PARD3: variants seen among roughly 807,000 people sequenced by gnomAD.
PARD3 encodes the protein par-3 family cell polarity regulator.
PARD3 carries 75 observed loss-of-function variants against 155.4 expected under a neutral mutation model. The ratio of observed to expected loss-of-function variants is 0.48; its 90% CI spans 0.40 to 0.58. PARD3 has a LOEUF of 0.58. Ranked by LOEUF, PARD3 falls within the 20% of genes least tolerant of loss-of-function variation. The pLI is 0.00. For synonymous variants in PARD3, 576 were observed against 610.5 expected, an observed-to-expected ratio of 0.94 and a Z score of 0.83; for missense variants, 1,642 against 1,721.7, an observed-to-expected ratio of 0.95 and a Z score of 0.82.
chr10:34,774,669 T>A (rs1258428590), intron 1 of PARD3, among the ~76,000 whole-genome samples: 1 of 152,086 alleles, frequency 6.6e-6, no homozygotes, highest in Non-Finnish European at 1.5e-5. Flanking sequence ...AAAGCAGCAA[T>A]TGAAAACCAC....
chr10:34,659,736 AT>A (rs1343288503), intron 2 of PARD3, among the ~76,000 whole-genome samples: 3 of 152,160 alleles, frequency 2.0e-5, no homozygotes, highest in Non-Finnish European at 4.4e-5. Context: ...AATACTATTA[AT>A]TTCTAATTCA....
chr10:34,374,037 T>C (rs917272226), intron 11 of PARD3, among the ~76,000 whole-genome samples: 7 of 152,122 alleles, frequency 4.6e-5, no homozygotes, highest in Non-Finnish European at 7.4e-5. Context: ...TCCAAAATGA[T>C]CCAAGTAGAA....
At chr10:34,492,464 A>G (rs987374983) in intron 3 of PARD3, among the ~76,000 whole-genome samples, 1 of 152,202 alleles carries the variant, frequency 6.6e-6, no homozygotes, top group Non-Finnish European at 1.5e-5. Flanking sequence ...ACAGCTTTTG[A>G]TTTTTGGAAA....
Position 34,696,250 on chromosome 10 carries a change from G to A in PARD3, c.222+68C>T, listed in dbSNP as rs192339068. The A allele has an allele frequency of 1.7e-4, 139 of 802,068 alleles. No individual in the cohort carries two copies. In the African/African-American group the frequency reaches 2.0e-3, roughly 11 times the overall value. 49.7% of individuals were successfully genotyped at this position (802,068 alleles called of 1,614,324 possible). A position where few individuals can be genotyped will look rare whatever the true frequency, so the allele number is the denominator to read the frequency against. On this transcript the variant is annotated intron_variant, in intron 2 of 24. Coordinates refer to ENST00000374788, the MANE Select transcript of PARD3 (RefSeq NM_001184785.2). ...GTCTAAAACAGAAAGGAAAAGAATCGCACCCGCTCCCTAGTCCTCAAAAAA... is the reference window on the plus strand; with the variant it reads ...GTCTAAAACAGAAAGGAAAAGAATCACACCCGCTCCCTAGTCCTCAAAAAA...
chr10:34,749,593 A>G (rs1366432952), intron 1 of PARD3, among the ~76,000 whole-genome samples: 1 of 152,164 alleles, frequency 6.6e-6, no homozygotes, highest in Non-Finnish European at 1.5e-5. Flanking sequence ...TATAGAACTT[A>G]TATGATGTAT....
intron 20 of PARD3, chr10:34,312,376 G>T: frequency 6.2e-7 from 1 of 1,612,598 alleles, no homozygotes; most frequent in Non-Finnish European, 8.5e-7. Context: ...GCTTCAGTTT[G>T]GCAAGGCTAA....
intron 15 of PARD3, among the ~76,000 whole-genome samples, chr10:34,342,198 T>TATTC (rs769936666): frequency 1.3e-5 from 2 of 152,258 alleles, no homozygotes; most frequent in East Asian, 1.9e-4. Context: ...TTGCATTGTT[T>TATTC]ATTCATTCAT....
intron 22 of PARD3, among the ~76,000 whole-genome samples, chr10:34,235,708 T>C (rs1009241897): frequency 1.3e-5 from 2 of 152,206 alleles, no homozygotes; most frequent in African/African-American, 2.4e-5. Context: ...ACTTGTGGTC[T>C]TACTGGTCTG....
intron 22 of PARD3, among the ~76,000 whole-genome samples, chr10:34,193,384 T>C (rs1950799003): frequency 6.6e-6 from 1 of 152,202 alleles, no homozygotes. Flanking sequence ...CTATAGTACT[T>C]TCAAAACTAC....
At chr10:34,421,319 A>G (rs1846165886) in intron 5 of PARD3, among the ~76,000 whole-genome samples, 1 of 150,174 alleles carries the variant, frequency 6.7e-6, no homozygotes, top group South Asian at 2.1e-4. Flanking sequence ...TAGTTATTTA[A>G]GTAATAAATT....
intron 3 of PARD3, among the ~76,000 whole-genome samples, chr10:34,483,964 C>G (rs2079268526): frequency 6.6e-6 from 1 of 152,130 alleles, no homozygotes. Context: ...CATACCTGAA[C>G]AAAGCTTACC....
chr10:34,373,294 T>C (rs776079807), intron 11 of PARD3, among the ~76,000 whole-genome samples: 1 of 149,000 alleles, frequency 6.7e-6, no homozygotes, highest in Non-Finnish European at 1.5e-5. Context: ...ATAAATTACA[T>C]AACCAAGAAA....
At chr10:34,195,040 T>C (rs1388858186) in intron 22 of PARD3, among the ~76,000 whole-genome samples, 1 of 152,204 alleles carries the variant, frequency 6.6e-6, no homozygotes, top group Non-Finnish European at 1.5e-5. Context: ...TTTCTCTATG[T>C]AAAATTAATA....
At chr10:34,460,802 C>T (rs773041366) in intron 4 of PARD3, among the ~76,000 whole-genome samples, 4 of 151,778 alleles carry the variant, frequency 2.6e-5, no homozygotes, top group Non-Finnish European at 5.9e-5. Context: ...CACTGCACTC[C>T]GGCCTGGGCG....
intron 19 of PARD3, among the ~76,000 whole-genome samples, chr10:34,320,719 A>G (rs112854676): frequency 0.027 from 4,106 of 152,342 alleles, 174 homozygotes; most frequent in African/African-American, 0.094. Context: ...TATTAGCTTC[A>G]GGTTTTGTAA....
intron 22 of PARD3, among the ~76,000 whole-genome samples, chr10:34,168,963 T>G (rs1949663254): frequency 6.6e-6 from 1 of 152,200 alleles, no homozygotes; most frequent in East Asian, 1.9e-4. Context: ...TGCTGCCTTG[T>G]TGACAAATAA....
At chr10:34,687,278 G>A (rs1353755241) in intron 2 of PARD3, among the ~76,000 whole-genome samples, 2 of 152,032 alleles carry the variant, frequency 1.3e-5, no homozygotes, top group Non-Finnish European at 2.9e-5. Flanking sequence ...CTATACCCAG[G>A]GCAAGGGGGC....
intron 7 of PARD3, among the ~76,000 whole-genome samples, chr10:34,388,731 C>A (rs1419918353): frequency 6.6e-6 from 1 of 152,070 alleles, no homozygotes; most frequent in Admixed American, 6.6e-5. Flanking sequence ...GCAGCTAATA[C>A]CAGAATTCCT....
At chr10:34,535,547 C>T (rs2083165581) in intron 2 of PARD3, among the ~76,000 whole-genome samples, 2 of 152,114 alleles carry the variant, frequency 1.3e-5, no homozygotes, top group South Asian at 2.1e-4. Flanking sequence ...AGTGCAGTGG[C>T]GCAATCTTAG....
Sources: allele counts gnomAD v4.1 joint callset (sites outside exome capture counted in the v4.1 genomes callset), GRCh38; gene constraint gnomAD v4.1.1; transcripts MANE v1.5; gene names NCBI Gene and HGNC (gene_info 2026-07-23, HGNC 2026-07-21).